Variants in PDE11A observed in about 807,000 individuals in gnomAD.
PDE11A encodes phosphodiesterase 11A, also known as dual 3',5'-cyclic-AMP and -GMP phosphodiesterase 11A.
Under a neutral mutation model 100.5 loss-of-function variants are expected in PDE11A, and 100 were observed. That is an observed-to-expected ratio of 1.00 (90% CI 0.85 to 1.18). The LOEUF is 1.18. Among genes scored for constraint, PDE11A ranks in the 50% most tolerant of loss-of-function variants. The probability of loss-of-function intolerance (pLI) is 0.00; values close to 1 mark genes in which losing one functional copy is unlikely to be tolerated. For missense variants in PDE11A, 1,141 were observed against 1,152.6 expected (o/e 0.99, Z 0.15); for synonymous variants, 381 against 420.8 (o/e 0.91, Z 1.16).
At chr2:177,955,654 A>C (rs1025088194) in intron 2 of PDE11A, among the ~76,000 whole-genome samples, 6 of 152,230 alleles carry the variant, frequency 3.9e-5, no homozygotes, top group Non-Finnish European at 8.8e-5. Flanking sequence ...ACCTGACTTC[A>C]AACTATACTA....
intron 5 of PDE11A, among the ~76,000 whole-genome samples, chr2:177,861,556 G>A (rs1335539302): frequency 3.3e-5 from 5 of 151,856 alleles, no homozygotes; most frequent in African/African-American, 4.8e-5. Context: ...TAATTTTGGA[G>A]AGATTGACAA....
At chr2:177,877,903 G>A (rs1249219920) in intron 4 of PDE11A, among the ~76,000 whole-genome samples, 7 of 152,122 alleles carry the variant, frequency 4.6e-5, no homozygotes, top group Non-Finnish European at 1.0e-4. Context: ...TTCCTTAGCC[G>A]TACGCAGTCA....
chr2:177,629,166 C>T lies in PDE11A; in HGVS notation c.*241G>A, dbSNP rs1205329961. 16 of 545,476 alleles carry T rather than the reference C, an allele frequency of 2.9e-5. No homozygotes were observed. Among genetic ancestry groups the T allele is most frequent in the South Asian group, 1.8e-4 (9 of 50,240 alleles). The allele number at this position is 545,476 out of a possible 1,614,324, so 33.8% of individuals were successfully genotyped here. ...CCCAGAGCCTTCATTTCAGCCCATGCGTGTTCATTAGGGAAAAGTGAGGGT... is the reference window on the plus strand; with the variant it reads ...CCCAGAGCCTTCATTTCAGCCCATGTGTGTTCATTAGGGAAAAGTGAGGGT... On this transcript the variant is annotated 3_prime_UTR_variant, in exon 20 of 20. Coordinates refer to ENST00000286063, the MANE Select transcript of PDE11A (RefSeq NM_016953.4).
At chr2:178,081,241 G>C (rs780706742) in intron 2 of PDE11A, among the ~76,000 whole-genome samples, 4 of 152,114 alleles carry the variant, frequency 2.6e-5, no homozygotes, top group Admixed American at 1.3e-4. Context: ...GCCTCTGAAA[G>C]AGTTTCTCAC....
intron 1 of PDE11A, among the ~76,000 whole-genome samples, chr2:178,050,541 G>C (rs576726012): frequency 1.3e-5 from 2 of 151,730 alleles, no homozygotes; most frequent in Non-Finnish European, 2.9e-5. Context: ...TCAGAAGATC[G>C]GTAATAACAA....
intron 10 of PDE11A, among the ~76,000 whole-genome samples, chr2:177,743,046 C>T (rs139160297): frequency 2.6e-5 from 4 of 152,194 alleles, no homozygotes; most frequent in Admixed American, 1.3e-4. Flanking sequence ...TTTCTGAATT[C>T]GCCTCCTGCT....
intron 9 of PDE11A, 75 bp downstream of exon 9, chr2:177,816,754 C>T: frequency 1.2e-6 from 1 of 848,792 alleles, no homozygotes; most frequent in Admixed American, 1.7e-5. Context: ...AATTAAGCCC[C>T]ATAACCAGGG....
At chr2:177,989,974 G>A (rs191672293) in intron 2 of PDE11A, among the ~76,000 whole-genome samples, 49 of 152,292 alleles carry the variant, frequency 3.2e-4, no homozygotes, top group African/African-American at 1.1e-3. Flanking sequence ...GAAATGAAGG[G>A]AGAGAAGGGG....
intron 1 of PDE11A, among the ~76,000 whole-genome samples, chr2:178,061,338 G>A (rs1206180691): frequency 6.6e-6 from 1 of 152,000 alleles, no homozygotes; most frequent in Non-Finnish European, 1.5e-5. Context: ...AGAGGCAAGG[G>A]ATGCTACTAA....
At chr2:177,663,067 A>G (rs975788319) in intron 19 of PDE11A, among the ~76,000 whole-genome samples, 1 of 152,240 alleles carries the variant, frequency 6.6e-6, no homozygotes, top group African/African-American at 2.4e-5. Flanking sequence ...GTTGTGGGTA[A>G]AGAACTTGCC....
At chr2:177,796,974 C>T (rs1003831614) in intron 9 of PDE11A, 2 of 152,164 alleles carry the variant, frequency 1.3e-5, no homozygotes, top group African/African-American at 4.8e-5. Context: ...AAACAGTTTC[C>T]TTACTGACAA....
chr2:177,827,933 G>A (rs375188217), intron 6 of PDE11A, among the ~76,000 whole-genome samples: 7 of 152,282 alleles, frequency 4.6e-5, no homozygotes, highest in East Asian at 1.9e-4. Flanking sequence ...AGGCAAAGGC[G>A]AATAGAAAAT....
At chr2:177,678,561 C>A (rs539690847) in intron 16 of PDE11A, among the ~76,000 whole-genome samples, 1 of 152,088 alleles carries the variant, frequency 6.6e-6, no homozygotes, top group African/African-American at 2.4e-5. Flanking sequence ...TAATAAAAAG[C>A]AGACTGACTT....
intron 2 of PDE11A, among the ~76,000 whole-genome samples, chr2:178,013,505 T>A (rs2086296756): frequency 6.6e-6 from 1 of 152,238 alleles, no homozygotes; most frequent in Non-Finnish European, 1.5e-5. Flanking sequence ...GCATTTGTAA[T>A]TAGCATTGGC....
intron 10 of PDE11A, among the ~76,000 whole-genome samples, chr2:177,728,903 G>A (rs928914468): frequency 1.2e-4 from 18 of 152,020 alleles, no homozygotes; most frequent in Non-Finnish European, 2.1e-4. Flanking sequence ...GCCCACAAAC[G>A]AGCCTAAAGA....
chr2:178,021,106 C>T (rs777767989), intron 1 of PDE11A, among the ~76,000 whole-genome samples: 1 of 151,996 alleles, frequency 6.6e-6, no homozygotes, highest in Non-Finnish European at 1.5e-5. Flanking sequence ...GGATTACAGG[C>T]ATGTGCCACC....
chr2:177,924,507 A>C (rs960025303), intron 2 of PDE11A, among the ~76,000 whole-genome samples: 1 of 152,204 alleles, frequency 6.6e-6, no homozygotes, highest in Non-Finnish European at 1.5e-5. Flanking sequence ...GCCATCACTC[A>C]AGGAATTTAT....
chr2:177,680,197 A>G (rs3770022), intron 16 of PDE11A, among the ~76,000 whole-genome samples: 12,131 of 152,148 alleles, frequency 0.08, 585 homozygotes, highest in East Asian at 0.19. Flanking sequence ...ATGTTAGAAC[A>G]GGGATAAGAC....
intron 19 of PDE11A, among the ~76,000 whole-genome samples, chr2:177,630,302 T>TTG (rs1030793103): frequency 6.6e-6 from 1 of 152,136 alleles, no homozygotes; most frequent in Non-Finnish European, 1.5e-5. Context: ...GTGCTTAATT[T>TTG]TGTGTGTGTG....
Sources: allele counts gnomAD v4.1 joint callset (sites outside exome capture counted in the v4.1 genomes callset), GRCh38; gene constraint gnomAD v4.1.1; transcripts MANE v1.5; gene names NCBI Gene and HGNC (gene_info 2026-07-23, HGNC 2026-07-21).